Variants in TFPI observed in about 807,000 individuals in gnomAD.
TFPI encodes the protein tissue factor pathway inhibitor.
In TFPI, 15 loss-of-function variants were observed where a neutral mutation model predicts 34.6. That is an observed-to-expected ratio of 0.43 (90% CI 0.29 to 0.67). TFPI has a LOEUF of 0.67. Ranked by LOEUF, TFPI falls within the 30% of genes least tolerant of loss-of-function variation. The pLI is 0.15. For synonymous variants in TFPI, 105 were observed against 120.1 expected (o/e 0.87, Z 0.82); for missense variants, 301 against 364.0 (o/e 0.83, Z 1.41).
intron 1 of TFPI, chr2:187,513,826 T>C (rs1001187278): frequency 5.3e-5 from 8 of 152,244 alleles, no homozygotes; most frequent in African/African-American, 1.9e-4. Context: ...CATCTAGTTA[T>C]TAACATAACC....
Position 187,496,999 on chromosome 2 carries a change from C to A in TFPI, c.201G>T (p.Met67Ile), listed in dbSNP as rs746584976. 6.2e-7 allele frequency: 1 copy of A among 1,613,326 alleles called. No individual in the cohort carries two copies. The highest frequency in any genetic ancestry group is 1.7e-5 in the Admixed American group (1 of 59,938). ...KADDGPCKAI[M>I]KRFFFNIFTR... ...TGAAAATATTGAAGAAAAATCTTTT[C>A]ATGATTGCTTTACATGGGCCATCAT... The change falls in exon 3 of 8, where the codon ATG (methionine) becomes ATT (isoleucine). Residue 67 changes from methionine to isoleucine, a missense_variant. By Grantham distance (10) the Met-to-Ile change is conservative. Coordinates refer to ENST00000233156, the MANE Select transcript of TFPI (RefSeq NM_006287.6).
chr2:187,477,613 G>A (rs8176534), intron 6 of TFPI, among the ~76,000 whole-genome samples: 1,745 of 152,162 alleles, frequency 0.011, 21 homozygotes, highest in Non-Finnish European at 0.018. Flanking sequence ...GCAATCACAC[G>A]TTCAACAAGA....
At chr2:187,539,961 C>T (rs1456332278) in intron 1 of TFPI, among the ~76,000 whole-genome samples, 1 of 148,752 alleles carries the variant, frequency 6.7e-6, no homozygotes, top group East Asian at 2.0e-4. Context: ...TGCAGTGGCT[C>T]GATCTCGGCT....
chr2:187,534,713 A>G (rs1423110245), intron 1 of TFPI, among the ~76,000 whole-genome samples: 1 of 152,142 alleles, frequency 6.6e-6, no homozygotes, highest in Admixed American at 6.5e-5. Flanking sequence ...AAATTCACAC[A>G]TAGCAATATT....
chr2:187,510,757 C>G (rs199735415), intron 1 of TFPI, among the ~76,000 whole-genome samples: 9 of 152,258 alleles, frequency 5.9e-5, no homozygotes, highest in East Asian at 5.8e-4. Flanking sequence ...TCACGTACCC[C>G]CTGCTTGCTC....
At chr2:187,541,678 C>CT (rs1436567241) in intron 1 of TFPI, among the ~76,000 whole-genome samples, 8 of 152,124 alleles carry the variant, frequency 5.3e-5, no homozygotes, top group African/African-American at 1.9e-4. Flanking sequence ...AGCAAGCACT[C>CT]TCCTGAACGC....
At chr2:187,522,845 C>T (rs531089456) in intron 1 of TFPI, among the ~76,000 whole-genome samples, 20 of 151,070 alleles carry the variant, frequency 1.3e-4, no homozygotes, top group African/African-American at 3.7e-4. Context: ...GAGCCGAGAT[C>T]GTGCCGCTGC....
intron 1 of TFPI, among the ~76,000 whole-genome samples, chr2:187,531,414 C>T (rs1478858556): frequency 6.6e-6 from 1 of 152,078 alleles, no homozygotes; most frequent in Non-Finnish European, 1.5e-5. Flanking sequence ...ATTTTATCAG[C>T]ACCTTATTGA....
intron 2 of TFPI, among the ~76,000 whole-genome samples, chr2:187,501,294 T>G (rs1685832671): frequency 7.3e-6 from 1 of 137,094 alleles, no homozygotes; most frequent in Non-Finnish European, 1.6e-5. Flanking sequence ...TGCCTTCCCC[T>G]TCCCTCCCCC....
Position 187,503,744 on chromosome 2 carries a change from G to A in TFPI, c.25C>T (p.His9Tyr). The change falls in exon 2 of 8, where the codon CAT becomes TAT. Residue 9 changes from histidine (H) to tyrosine (Y), a missense_variant. Transcript: ENST00000233156. MIYTMKKV[H>Y]ALWASVCLLL... ...AGGCATACAGAAGCCCAAAGTGCAT[G>A]TACTTTCTTCATTGTGTAAATCATC... is the stretch of plus-strand genomic sequence containing the variant. 6.2e-7 allele frequency: 1 copy of A among 1,612,980 alleles called. No homozygotes were observed. Among genetic ancestry groups the A allele is most frequent in the Non-Finnish European group, 8.5e-7 (1 of 1,179,250 alleles).
chr2:187,545,068 G>T (rs903256268), intron 1 of TFPI, among the ~76,000 whole-genome samples: 2 of 152,074 alleles, frequency 1.3e-5, no homozygotes, highest in African/African-American at 4.8e-5. Flanking sequence ...CCGTGATCGT[G>T]CCACTGCGCT....
intron 1 of TFPI, among the ~76,000 whole-genome samples, chr2:187,540,511 G>A: frequency 6.6e-6 from 1 of 152,080 alleles, no homozygotes; most frequent in East Asian, 1.9e-4. Flanking sequence ...TTAGGACAAA[G>A]AATGAGCAAA....
rs769253276 is a variant in TFPI at position 187,497,099 on chromosome 2, A to G, written c.122-21T>C. ...CGTATCTATAAAGTAAAAATAAAAG[A>G]TATAACATGTAATCTCCATCAACAC... On this transcript the variant is annotated intron_variant, in intron 2 of 7. Coordinates refer to ENST00000233156, the MANE Select transcript of TFPI (RefSeq NM_006287.6). 3.1e-6 allele frequency: 5 copies of G among 1,591,816 alleles called. No homozygotes were observed. The South Asian group carries it at 3.4e-5, about 11-fold the overall frequency.
intron 1 of TFPI, among the ~76,000 whole-genome samples, chr2:187,524,565 A>C (rs1687583687): frequency 1.3e-5 from 2 of 152,066 alleles, no homozygotes; most frequent in South Asian, 4.1e-4. Flanking sequence ...AATAATTAAT[A>C]AATTAGAATA....
At chr2:187,472,029 T>G (rs980577937) in intron 6 of TFPI, among the ~76,000 whole-genome samples, 1 of 152,126 alleles carries the variant, frequency 6.6e-6, no homozygotes, top group African/African-American at 2.4e-5. Flanking sequence ...CTGCAAATTA[T>G]CTTTGTAAAA....
At chr2:187,528,534 T>C (rs566663358) in intron 1 of TFPI, among the ~76,000 whole-genome samples, 49 of 152,190 alleles carry the variant, frequency 3.2e-4, no homozygotes, top group Non-Finnish European at 5.9e-4. Context: ...TGAATTGTTA[T>C]ATGAAGATTA....
intron 4 of TFPI, among the ~76,000 whole-genome samples, chr2:187,486,838 G>T (rs937410341): frequency 4.0e-5 from 6 of 151,504 alleles, no homozygotes; most frequent in Admixed American, 1.3e-4. Context: ...CTGAATACTT[G>T]GGAATTGTCT....
At chr2:187,549,865 C>T (rs1441686191) in intron 1 of TFPI, among the ~76,000 whole-genome samples, 2 of 151,518 alleles carry the variant, frequency 1.3e-5, no homozygotes, top group Non-Finnish European at 2.9e-5. Context: ...TGGATTTTTC[C>T]ACCCACCTGA....
chr2:187,542,520 G>A (rs1688635690), intron 1 of TFPI, among the ~76,000 whole-genome samples: 1 of 152,130 alleles, frequency 6.6e-6, no homozygotes. Context: ...TTAAAAATGT[G>A]AAGGTTTGAT....
Sources: allele counts gnomAD v4.1 joint callset (sites outside exome capture counted in the v4.1 genomes callset), GRCh38; gene constraint gnomAD v4.1.1; transcripts MANE v1.5; gene names NCBI Gene and HGNC (gene_info 2026-07-23, HGNC 2026-07-21).